The following NLGN1 variants were observed in gnomAD, a reference collection of about 807,000 sequenced individuals.
NLGN1 encodes neuroligin-1.
In NLGN1, 12 loss-of-function variants were observed where a neutral mutation model predicts 65.5. That is an observed-to-expected ratio of 0.18 (90% confidence interval 0.12 to 0.30). The LOEUF (loss-of-function observed/expected upper bound fraction) is 0.30, where lower values mean the gene tolerates loss of function less well. NLGN1 is among the 10% of genes least tolerant of loss of function. NLGN1 has a pLI of 1.00. For synonymous variants in NLGN1, 350 were observed against 359.5 expected (o/e 0.97, Z 0.30); for missense variants, 750 against 1,007.1 (o/e 0.74, Z 3.46).
intron 4 of NLGN1, among the ~76,000 whole-genome samples, chr3:174,061,089 T>C (rs1039921197): frequency 1.3e-5 from 2 of 152,066 alleles, no homozygotes; most frequent in Admixed American, 6.6e-5. Context: ...GTTTGAAAAG[T>C]TTTCACTTGG....
At chr3:174,062,934 C>A (rs1019015552) in intron 4 of NLGN1, among the ~76,000 whole-genome samples, 1 of 152,014 alleles carries the variant, frequency 6.6e-6, no homozygotes, top group African/African-American at 2.4e-5. Flanking sequence ...ATCATAACAA[C>A]CAGAACCTTT....
intron 4 of NLGN1, among the ~76,000 whole-genome samples, chr3:173,987,400 G>A (rs537527002): frequency 7.2e-5 from 11 of 152,130 alleles, no homozygotes; most frequent in Non-Finnish European, 1.6e-4. Flanking sequence ...GGAAAATTAG[G>A]TCACCATTTA....
At chr3:173,974,483 G>T (rs778304909) in intron 4 of NLGN1, among the ~76,000 whole-genome samples, 1 of 151,760 alleles carries the variant, frequency 6.6e-6, no homozygotes, top group Non-Finnish European at 1.5e-5. Flanking sequence ...ATTGAGAAAA[G>T]GTAAAACAGT....
At chr3:174,134,656 GC>G (rs1240476725) in intron 4 of NLGN1, among the ~76,000 whole-genome samples, 2 of 152,050 alleles carry the variant, frequency 1.3e-5, no homozygotes, top group East Asian at 3.9e-4. Context: ...TTTCTACATA[GC>G]CCCCCAAAAG....
At chr3:174,175,288 T>C (rs918048830) in intron 4 of NLGN1, among the ~76,000 whole-genome samples, 4 of 151,534 alleles carry the variant, frequency 2.6e-5, no homozygotes, top group Non-Finnish European at 5.9e-5. Flanking sequence ...ACTCTAATAA[T>C]ATTTGCTTTA....
chr3:173,704,853 T>C (rs933932900), intron 3 of NLGN1, among the ~76,000 whole-genome samples: 21 of 152,318 alleles, frequency 1.4e-4, no homozygotes, highest in African/African-American at 5.1e-4. Context: ...TGTCTACTGT[T>C]CTGTTTGACA....
chr3:173,460,648 T>G (rs1723230503), intron 2 of NLGN1, among the ~76,000 whole-genome samples: 1 of 152,128 alleles, frequency 6.6e-6, no homozygotes, highest in African/African-American at 2.4e-5. Flanking sequence ...TTCTTTGCAG[T>G]TATATTGTTG....
exon 4 of NLGN1, chr3:173,807,770 G>A (rs760953059): frequency 6.2e-7 from 1 of 1,613,790 alleles, no homozygotes; most frequent in Admixed American, 1.7e-5. Context: ...TATGATGGAA[G>A]TGTCTTGGCA....
chr3:174,221,081 C>T (rs1305083377), intron 4 of NLGN1, among the ~76,000 whole-genome samples: 1 of 152,182 alleles, frequency 6.6e-6, no homozygotes, highest in Non-Finnish European at 1.5e-5. Flanking sequence ...TGCAGCACAG[C>T]AGATTAATAT....
At chr3:173,841,739 A>G (rs2150678367) in intron 4 of NLGN1, among the ~76,000 whole-genome samples, 1 of 152,326 alleles carries the variant, frequency 6.6e-6, no homozygotes, top group African/African-American at 2.4e-5. Context: ...CAGCCTAAGA[A>G]GCACTGGAGT....
At chr3:174,225,233 G>T (rs867398059) in intron 4 of NLGN1, among the ~76,000 whole-genome samples, 9 of 152,082 alleles carry the variant, frequency 5.9e-5, no homozygotes, top group African/African-American at 2.2e-4. Flanking sequence ...ACAAAAATAT[G>T]CCTGAAACCT....
intron 3 of NLGN1, among the ~76,000 whole-genome samples, chr3:173,805,172 T>C (rs1281988532): frequency 2.6e-5 from 4 of 152,226 alleles, no homozygotes; most frequent in Non-Finnish European, 2.9e-5. Flanking sequence ...AGGTTTGTTA[T>C]GTCCAAGAAT....
chr3:173,568,931 G>T (rs1383367154), intron 2 of NLGN1, among the ~76,000 whole-genome samples: 1 of 152,080 alleles, frequency 6.6e-6, no homozygotes, highest in African/African-American at 2.4e-5. Flanking sequence ...ACCGGGCTCG[G>T]CCTCCCAAAG....
At chr3:173,797,633 C>A (rs1324955279) in intron 3 of NLGN1, among the ~76,000 whole-genome samples, 1 of 149,190 alleles carries the variant, frequency 6.7e-6, no homozygotes, top group Non-Finnish European at 1.5e-5. Flanking sequence ...ACACAGTTTC[C>A]TAAGTAAGGA....
intron 4 of NLGN1, among the ~76,000 whole-genome samples, chr3:173,906,314 A>G (rs1386056903): frequency 1.3e-5 from 2 of 152,148 alleles, no homozygotes; most frequent in East Asian, 3.9e-4. Context: ...TGCTGTATGT[A>G]TATCTTACTC....
intron 4 of NLGN1, among the ~76,000 whole-genome samples, chr3:174,256,259 C>T (rs1745739391): frequency 6.6e-6 from 1 of 152,144 alleles, no homozygotes; most frequent in Non-Finnish European, 1.5e-5. Context: ...CACCCAGTGA[C>T]AACTTGTCAA....
chr3:173,904,782 G>A (rs760466047), intron 4 of NLGN1, among the ~76,000 whole-genome samples: 1 of 152,074 alleles, frequency 6.6e-6, no homozygotes, highest in Non-Finnish European at 1.5e-5. Flanking sequence ...TCAACAAAGC[G>A]GTGGTGATAA....
chr3:173,887,915 A>T (rs578052350), intron 4 of NLGN1, among the ~76,000 whole-genome samples: 2 of 151,988 alleles, frequency 1.3e-5, no homozygotes, highest in Non-Finnish European at 2.9e-5. Context: ...CTTAATATGG[A>T]TCCTTTTCAA....
At chr3:173,833,352 A>G (rs1722966122) in intron 4 of NLGN1, among the ~76,000 whole-genome samples, 1 of 152,138 alleles carries the variant, frequency 6.6e-6, no homozygotes, top group South Asian at 2.1e-4. Flanking sequence ...TCTATATGGA[A>G]TTTAATATAC....
Sources: gnomAD v4.1 joint callset for allele counts (sites outside exome capture counted in the v4.1 genomes callset) on GRCh38, gnomAD v4.1.1 for gene constraint, MANE v1.5 for transcripts, NCBI Gene and HGNC (gene_info 2026-07-23, HGNC 2026-07-21) for gene names.